ZMAT3: variants seen among roughly 807,000 people sequenced by gnomAD.
The protein encoded by ZMAT3 is zinc finger matrin-type protein 3.
In ZMAT3, 17 loss-of-function variants were observed where a neutral mutation model predicts 32.3. That is an observed-to-expected ratio of 0.53 (90% CI 0.36 to 0.79). The LOEUF is 0.79. Among genes scored for constraint, ZMAT3 ranks in the 30% least tolerant of loss-of-function variants. The pLI is 0.00. For missense variants in ZMAT3, 329 were observed against 359.7 expected (o/e 0.91, Z 0.69); for synonymous variants, 120 against 133.1 (o/e 0.90, Z 0.68).
At chr3:179,068,657 G>A (rs1179599853) in intron 1 of ZMAT3, among the ~76,000 whole-genome samples, 2 of 152,182 alleles carry the variant, frequency 1.3e-5, no homozygotes, top group Non-Finnish European at 2.9e-5. Context: ...AACTCTAGGA[G>A]TAGCCTAAAG....
chr3:179,032,853 C>G (rs890614032), intron 2 of ZMAT3, among the ~76,000 whole-genome samples: 7 of 151,896 alleles, frequency 4.6e-5, no homozygotes, highest in African/African-American at 1.7e-4. Flanking sequence ...CGGCAGCCAC[C>G]CCATCCAGGA....
At chr3:179,032,839 C>T (rs1484573418) in intron 2 of ZMAT3, among the ~76,000 whole-genome samples, 1 of 151,302 alleles carries the variant, frequency 6.6e-6, no homozygotes. Context: ...GGAGCGTCTC[C>T]GCCCGGCAGC....
At chr3:179,053,680 A>G (rs1720689377) in intron 2 of ZMAT3, among the ~76,000 whole-genome samples, 1 of 152,222 alleles carries the variant, frequency 6.6e-6, no homozygotes, top group African/African-American at 2.4e-5. Context: ...TTGACATGAC[A>G]CACTAGGAAG....
intron 2 of ZMAT3, among the ~76,000 whole-genome samples, chr3:179,053,662 C>T (rs1479785867): frequency 1.3e-5 from 2 of 152,206 alleles, no homozygotes; most frequent in Non-Finnish European, 2.9e-5. Context: ...ATTCACATCA[C>T]ATCCTTCTTG....
At chr3:179,027,879 G>T in intron 3 of ZMAT3, 67 bp from the exon 4 acceptor site, 1 of 1,496,942 alleles carries the variant, frequency 6.7e-7, no homozygotes, top group Non-Finnish European at 8.9e-7. Context: ...TCTCCTCAAA[G>T]GTCTTTCTAA....
chr3:179,070,287 G>A (rs1721643270), intron 1 of ZMAT3, among the ~76,000 whole-genome samples: 1 of 152,164 alleles, frequency 6.6e-6, no homozygotes, highest in Non-Finnish European at 1.5e-5. Flanking sequence ...TCAAAATAAA[G>A]ATCCTTCTCA....
rs1720220572 is a variant in ZMAT3, at chr3:179,046,084, G to A, written c.271-15085C>T. Among the ~76,000 whole-genome samples, 1 of 152,122 alleles carries A rather than the reference G, an allele frequency of 6.6e-6. No individual in the cohort carries two copies. The highest frequency in any genetic ancestry group is 1.5e-5 in the Non-Finnish European group (1 of 68,016). ...CGGCATGCAGCTAGACAGAGAAATGGGATCATTTCCCTTTGAAATATGGAT... is the reference window on the plus strand; with the variant it reads ...CGGCATGCAGCTAGACAGAGAAATGAGATCATTTCCCTTTGAAATATGGAT... On this transcript the variant is annotated intron_variant, in intron 2 of 5. Coordinates refer to ENST00000311417, the MANE Select transcript of ZMAT3 (RefSeq NM_022470.4). This position sits in a 1 kb window ranked among gnomAD's most constrained non-coding sequence, Gnocchi z 4.3.
intron 2 of ZMAT3, among the ~76,000 whole-genome samples, chr3:179,063,585 G>A (rs1048472509): frequency 6.6e-6 from 1 of 152,104 alleles, no homozygotes; most frequent in Non-Finnish European, 1.5e-5. Context: ...TTAAACTGTG[G>A]ATGCCTTAGC....
chr3:179,034,452 CTCT>C (rs1719473079), intron 2 of ZMAT3, among the ~76,000 whole-genome samples: 2 of 152,230 alleles, frequency 1.3e-5, no homozygotes, highest in African/African-American at 4.8e-5. Flanking sequence ...ACCTCTCCTC[CTCT>C]ATCAGACCTC....
rs563525597 is a variant in ZMAT3, at chr3:179,062,061, T to G, written c.270+5422A>C. Among the ~76,000 whole-genome samples, 7 of 152,280 alleles carry G rather than the reference T, an allele frequency of 4.6e-5. No individual in the cohort carries two copies. The East Asian group carries it at 1.4e-3, about 29-fold the overall frequency. On this transcript the variant is annotated intron_variant, in intron 2 of 5. Transcript: ENST00000311417. Reference sequence around the variant, plus strand: ...TTACTACTTTTCATTATAAATCCTTTGGTTCCTCAGGCATTATTTTAAATA... The same window carrying G: ...TTACTACTTTTCATTATAAATCCTTGGGTTCCTCAGGCATTATTTTAAATA...
chr3:179,060,032 G>A (rs1442626747), intron 2 of ZMAT3, among the ~76,000 whole-genome samples: 1 of 152,028 alleles, frequency 6.6e-6, no homozygotes, highest in Admixed American at 6.5e-5. Context: ...CAGTGGGAGG[G>A]ACAATGATCG....
At chr3:179,065,077 C>T (rs955571062) in intron 2 of ZMAT3, among the ~76,000 whole-genome samples, 7 of 152,176 alleles carry the variant, frequency 4.6e-5, no homozygotes, top group African/African-American at 1.7e-4. Context: ...CAGTCTCATT[C>T]GAATCTTTGC....
Position 179,064,820 on chromosome 3 carries a change from G to A in ZMAT3, c.270+2663C>T, listed in dbSNP as rs190868842. On this transcript the variant is annotated intron_variant, in intron 2 of 5. Coordinates refer to ENST00000311417, the MANE Select transcript of ZMAT3 (RefSeq NM_022470.4). ...GCATCTTTTTGGCTAACATTTCTACGCTTTCCTTCTTTGGTAGCTCACCCA... is the reference window on the plus strand; with the variant it reads ...GCATCTTTTTGGCTAACATTTCTACACTTTCCTTCTTTGGTAGCTCACCCA... Among the ~76,000 whole-genome samples the A allele has an allele frequency of 3.6e-3, 544 of 152,080 alleles. 2 individuals are homozygous for A. The highest frequency in any genetic ancestry group is 0.012 in the African/African-American group (513 of 41,462).
chr3:179,071,966 C>T (rs1721752708), upstream of ZMAT3: 1 of 152,756 alleles, frequency 6.5e-6, no homozygotes, highest in Non-Finnish European at 1.5e-5. Flanking sequence ...GTGCCCTGGC[C>T]GCGAGCGCAG....
intron 3 of ZMAT3, among the ~76,000 whole-genome samples, chr3:179,029,663 G>A (rs1166334203): frequency 6.6e-6 from 1 of 151,892 alleles, no homozygotes; most frequent in Non-Finnish European, 1.5e-5. Flanking sequence ...AATTAAGGAT[G>A]AATAAAATAC....
intron 5 of ZMAT3, among the ~76,000 whole-genome samples, chr3:179,026,585 C>T (rs572039777): frequency 1.7e-4 from 26 of 151,948 alleles, no homozygotes; most frequent in African/African-American, 4.8e-4. Context: ...GGGGTTTCAC[C>T]GTGTTGGCCA....
rs1236857795 is a variant in ZMAT3 at position 179,019,149 on chromosome 3, A to G, written c.*5868T>C. On this transcript the variant is annotated 3_prime_UTR_variant, in exon 6 of 6. Transcript: ENST00000311417. Reference sequence around the variant, plus strand: ...TGGGGAAAAGAAAAATTATATTGAAACTTTAAAATTTATGACAAGCACTTA... The same window carrying G: ...TGGGGAAAAGAAAAATTATATTGAAGCTTTAAAATTTATGACAAGCACTTA... The G allele has an allele frequency of 6.6e-6, 1 of 152,124 alleles. No individual in the cohort carries two copies. The highest frequency in any genetic ancestry group is 1.5e-5 in the Non-Finnish European group (1 of 67,994). 9.4% of individuals were successfully genotyped at this position (152,124 alleles called of 1,614,324 possible). A position where few individuals can be genotyped will look rare whatever the true frequency, so the allele number is the denominator to read the frequency against.
chr3:179,020,758 T>C lies in ZMAT3; in HGVS notation c.*4259A>G. 1 of 152,204 alleles carries C rather than the reference T, an allele frequency of 6.6e-6. No homozygotes were observed. Among genetic ancestry groups the C allele is most frequent in the Non-Finnish European group, 1.5e-5 (1 of 68,042 alleles). 9.4% of individuals were successfully genotyped at this position (152,204 alleles called of 1,614,324 possible). A position where few individuals can be genotyped will look rare whatever the true frequency, so the allele number is the denominator to read the frequency against. The stretch of plus-strand genomic sequence containing the variant: ...GAAAATACCATGTTGCACAGTTACA[T>C]GTGTCCCCTGACACAAACGACACTC... On this transcript the variant is annotated 3_prime_UTR_variant, in exon 6 of 6. Transcript: ENST00000311417.
At position 179,027,489 on chromosome 3, in the gene ZMAT3, T is replaced by C. The variant is rs1576836078; in HGVS notation, c.592A>G (p.Lys198Glu). 1 of 1,614,240 alleles carries C rather than the reference T, an allele frequency of 6.2e-7. No individual in the cohort carries two copies. The change falls in exon 5 of 6, where the codon AAA becomes GAA. Residue 198 changes from lysine to glutamate, a missense_variant. Lys to Glu is a moderately conservative substitution (Grantham distance 56). Transcript: ENST00000311417. ...ATCATCTTAAACTCATTCCCTTCTTTCCTGGCCCGCCGTTGACCCAGCTCT... is the reference window on the plus strand; with the variant it reads ...ATCATCTTAAACTCATTCCCTTCTTCCCTGGCCCGCCGTTGACCCAGCTCT... ...SSELGQRRAR[K>E]EGNEFKMMPN...
Sources: allele counts gnomAD v4.1 joint callset (sites outside exome capture counted in the v4.1 genomes callset), GRCh38; gene constraint gnomAD v4.1.1; non-coding constraint Gnocchi (gnomAD v3.1); transcripts MANE v1.5; gene names NCBI Gene and HGNC (gene_info 2026-07-23, HGNC 2026-07-21).